Variants in GRIK2 observed in about 807,000 individuals in gnomAD.
GRIK2 encodes the protein glutamate ionotropic receptor kainate type subunit 2.
GRIK2 carries 32 observed loss-of-function variants against 100.3 expected under a neutral mutation model. The observed-to-expected ratio is 0.32, with a 90% CI of 0.24 to 0.43. GRIK2 has a LOEUF of 0.43. Ranked by LOEUF, GRIK2 falls within the 20% of genes least tolerant of loss-of-function variation. The pLI, the probability that GRIK2 is intolerant of heterozygous loss-of-function variation, is 1.00. For missense variants in GRIK2, 843 were observed against 1,114.9 expected (o/e 0.76, Z 3.47); for synonymous variants, 417 against 389.4 (o/e 1.07, Z -0.83).
intron 7 of GRIK2, among the ~76,000 whole-genome samples, chr6:101,736,906 C>T (rs1318506292): frequency 6.6e-6 from 1 of 152,038 alleles, no homozygotes; most frequent in East Asian, 1.9e-4. Context: ...TTAACAGCAC[C>T]CCAGTCACCT....
At chr6:101,663,883 A>G (rs574593404) in intron 4 of GRIK2, among the ~76,000 whole-genome samples, 1 of 152,302 alleles carries the variant, frequency 6.6e-6, no homozygotes, top group South Asian at 2.1e-4. Flanking sequence ...ACCTAACTGC[A>G]ACTCTCTACT....
chr6:101,445,720 T>C lies in GRIK2; in HGVS notation c.115+46328T>C, dbSNP rs1181509583. On this transcript the variant is annotated intron_variant, in intron 2 of 16. Transcript: ENST00000369134. ...CCTGACTAACTCTATAGCAAATTCTTGCAGTTTTACAGCACTTGGGATCTA... is the reference window on the plus strand; with the variant it reads ...CCTGACTAACTCTATAGCAAATTCTCGCAGTTTTACAGCACTTGGGATCTA... 2.6e-5 allele frequency among the ~76,000 whole-genome samples: 4 copies of C among 152,236 alleles called. No individual in the cohort carries two copies. The East Asian group carries it at 7.7e-4, about 29-fold the overall frequency.
At chr6:101,397,141 G>A (rs746243545) in intron 1 of GRIK2, among the ~76,000 whole-genome samples, 23 of 152,138 alleles carry the variant, frequency 1.5e-4, no homozygotes, top group Non-Finnish European at 2.9e-4. Context: ...TCCAATAAAT[G>A]CCAGCTACAC....
intron 7 of GRIK2, among the ~76,000 whole-genome samples, chr6:101,775,247 G>T (rs1021747965): frequency 6.6e-6 from 1 of 152,088 alleles, no homozygotes; most frequent in Non-Finnish European, 1.5e-5. Context: ...AAGCCAGAGA[G>T]CACTGGTTTG....
At chr6:101,451,377 T>G (rs1270000924) in intron 2 of GRIK2, among the ~76,000 whole-genome samples, 1 of 151,824 alleles carries the variant, frequency 6.6e-6, no homozygotes, top group Admixed American at 6.6e-5. Context: ...TATTTGTATT[T>G]AATATCTTTG....
chr6:102,063,312 A>C (rs1582810543), intron 16 of GRIK2, among the ~76,000 whole-genome samples: 1 of 150,672 alleles, frequency 6.6e-6, no homozygotes, highest in African/African-American at 2.4e-5. Context: ...CGAGATACAC[A>C]AAATAGGATT....
At chr6:101,467,000 A>C (rs757071894) in intron 2 of GRIK2, among the ~76,000 whole-genome samples, 1 of 152,192 alleles carries the variant, frequency 6.6e-6, no homozygotes, top group East Asian at 1.9e-4. Flanking sequence ...GCTAATATAC[A>C]TGATAGTAGC....
chr6:101,533,797 C>T (rs1240501792), intron 2 of GRIK2, among the ~76,000 whole-genome samples: 2 of 151,938 alleles, frequency 1.3e-5, no homozygotes, highest in Admixed American at 1.3e-4. Context: ...CACTTATTTT[C>T]ATTATGAAGG....
At chr6:101,569,309 A>T (rs1252744868) in intron 2 of GRIK2, among the ~76,000 whole-genome samples, 1 of 151,976 alleles carries the variant, frequency 6.6e-6, no homozygotes, top group Non-Finnish European at 1.5e-5. Context: ...AAATGCTAAC[A>T]GTCTCAAAAG....
At chr6:101,535,727 T>C (rs1775660074) in intron 2 of GRIK2, among the ~76,000 whole-genome samples, 1 of 151,822 alleles carries the variant, frequency 6.6e-6, no homozygotes, top group Non-Finnish European at 1.5e-5. Flanking sequence ...TGAGTTATGT[T>C]GAACAATTCA....
chr6:101,580,264 C>A (rs1029812719), intron 2 of GRIK2, among the ~76,000 whole-genome samples: 1 of 152,108 alleles, frequency 6.6e-6, no homozygotes, highest in African/African-American at 2.4e-5. Flanking sequence ...CTGGTTGGTT[C>A]TTTTGTTGGT....
intron 4 of GRIK2, among the ~76,000 whole-genome samples, chr6:101,631,286 G>A (rs1170904558): frequency 6.6e-6 from 1 of 152,048 alleles, no homozygotes; most frequent in East Asian, 1.9e-4. Context: ...AGCAATTCCA[G>A]AATAAGTTGT....
At chr6:102,064,188 A>G in intron 16 of GRIK2, 2 of 490,530 alleles carry the variant, frequency 4.1e-6, no homozygotes, top group Non-Finnish European at 7.3e-6. Flanking sequence ...CTAAATAGTG[A>G]TTTTAAAAGC....
intron 2 of GRIK2, among the ~76,000 whole-genome samples, chr6:101,586,609 C>T (rs893521679): frequency 4.1e-4 from 62 of 151,940 alleles, no homozygotes; most frequent in African/African-American, 1.5e-3. Flanking sequence ...TAAGTAGATG[C>T]CTGTAATCCA....
At chr6:101,989,842 G>A (rs1051810024) in intron 14 of GRIK2, among the ~76,000 whole-genome samples, 5 of 151,168 alleles carry the variant, frequency 3.3e-5, no homozygotes, top group African/African-American at 1.2e-4. Context: ...TTCCTTTGTG[G>A]AAACCATGAA....
In GRIK2 at chr6:101,849,813, G is replaced by GTT. The variant is rs36010543; in HGVS notation, c.1318-9449_1318-9448dup. 2.8e-3 allele frequency among the ~76,000 whole-genome samples: 150 copies of GTT among 53,872 alleles called. 28 individuals are homozygous for GTT. Among genetic ancestry groups the GTT allele is most frequent in the East Asian group, 9.5e-3 (10 of 1,056 alleles). 35.3% of individuals were successfully genotyped at this position (53,872 alleles called of 152,430 possible). ...AGGGATGCTATTTAAAAAAAGGAGG[G>GTT]TTTTTTTTTTTTTTTTTTTTTTTTT... is the stretch of plus-strand genomic sequence containing the variant. On this transcript the variant is annotated intron_variant, in intron 10 of 16. Transcript: ENST00000369134.
chr6:101,505,336 C>G (rs759891240), intron 2 of GRIK2, among the ~76,000 whole-genome samples: 4 of 151,960 alleles, frequency 2.6e-5, no homozygotes, highest in African/African-American at 9.7e-5. Flanking sequence ...AATGACTTGC[C>G]GAAGCTTTCC....
At chr6:102,034,961 T>A (rs1309357166) in intron 14 of GRIK2, among the ~76,000 whole-genome samples, 1 of 151,256 alleles carries the variant, frequency 6.6e-6, no homozygotes, top group African/African-American at 2.4e-5. Flanking sequence ...TCCACGTTTG[T>A]TGTAAAGAAA....
chr6:101,645,459 T>A (rs1435365572), intron 4 of GRIK2, among the ~76,000 whole-genome samples: 1 of 151,854 alleles, frequency 6.6e-6, no homozygotes, highest in Non-Finnish European at 1.5e-5. Context: ...TGAGACAAGG[T>A]ATATAAAATA....
Sources: allele counts gnomAD v4.1 joint callset (sites outside exome capture counted in the v4.1 genomes callset), GRCh38; gene constraint gnomAD v4.1.1; transcripts MANE v1.5; gene names NCBI Gene and HGNC (gene_info 2026-07-23, HGNC 2026-07-21).